The following PAK2 variants were observed in gnomAD, a reference collection of about 807,000 sequenced individuals.
PAK2 encodes the protein p21 (RAC1) activated kinase 2.
PAK2 carries 21 observed loss-of-function variants against 65.9 expected under a neutral mutation model. The ratio of observed to expected loss-of-function variants is 0.32; its 90% CI spans 0.23 to 0.46. PAK2 has a LOEUF of 0.46. Ranked by LOEUF, PAK2 falls within the 20% of genes least tolerant of loss-of-function variation. The pLI, the probability that PAK2 is intolerant of heterozygous loss-of-function variation, is 1.00. For synonymous variants in PAK2, 204 were observed against 219.7 expected (o/e 0.93, Z 0.63); for missense variants, 324 against 642.6 (o/e 0.50, Z 5.36).
At chr3:196,768,138 G>T (rs961072651) in intron 1 of PAK2, among the ~76,000 whole-genome samples, 1 of 152,046 alleles carries the variant, frequency 6.6e-6, no homozygotes, top group Non-Finnish European at 1.5e-5. Flanking sequence ...GTTTTAAAAT[G>T]ATAAATCAAC....
Position 196,832,487 on chromosome 3 carries a change from A to G in PAK2, c.*4082A>G, listed in dbSNP as rs1276066548. The G allele has an allele frequency of 6.6e-6, 1 of 152,172 alleles. No individual in the cohort carries two copies. The highest frequency in any genetic ancestry group is 1.5e-5 in the Non-Finnish European group (1 of 68,040). 9.4% of individuals were successfully genotyped at this position (152,172 alleles called of 1,614,324 possible). A position where few individuals can be genotyped will look rare whatever the true frequency, so the allele number is the denominator to read the frequency against. Reference sequence around the variant, plus strand: ...GGGCTAGAAATAAACTTTTTAAAAAAAGTGTGCATTTTTCCCTTTCCTAAA... The same window carrying G: ...GGGCTAGAAATAAACTTTTTAAAAAGAGTGTGCATTTTTCCCTTTCCTAAA... On this transcript the variant is annotated 3_prime_UTR_variant, in exon 15 of 15. Transcript: ENST00000327134.
At chr3:196,758,663 A>C (rs1713844044) in intron 1 of PAK2, among the ~76,000 whole-genome samples, 1 of 151,970 alleles carries the variant, frequency 6.6e-6, no homozygotes, top group Non-Finnish European at 1.5e-5. Context: ...ATTTTAGTTT[A>C]TTTTATTTTG....
At position 196,830,180 on chromosome 3, in the gene PAK2, A is replaced by C. The variant is rs1021606270; in HGVS notation, c.*1775A>C. On this transcript the variant is annotated 3_prime_UTR_variant, in exon 15 of 15. Coordinates refer to ENST00000327134, the MANE Select transcript of PAK2 (RefSeq NM_002577.4). ...ATATCTATGATAAGATGCAATTATA[A>C]GGAGAGAAGTGACTGTTTTTTATTG... is the stretch of plus-strand genomic sequence containing the variant. 3.3e-5 allele frequency: 5 copies of C among 152,250 alleles called. No homozygotes were observed. Among genetic ancestry groups the C allele is most frequent in the Non-Finnish European group, 5.9e-5 (4 of 68,048 alleles). 9.4% of individuals were successfully genotyped at this position (152,250 alleles called of 1,614,324 possible).
chr3:196,740,548 T>C (rs922469566), intron 1 of PAK2, among the ~76,000 whole-genome samples: 1 of 152,156 alleles, frequency 6.6e-6, no homozygotes, highest in African/African-American at 2.4e-5. Flanking sequence ...TGTTCCTTGA[T>C]TTTTCCTCTC....
At chr3:196,811,659 G>A (rs1715830315) in intron 8 of PAK2, among the ~76,000 whole-genome samples, 1 of 151,854 alleles carries the variant, frequency 6.6e-6, no homozygotes, top group Non-Finnish European at 1.5e-5. Context: ...TATCCATATG[G>A]ATGACCATCA....
Position 196,807,028 on chromosome 3 carries a change from T to G in PAK2, c.576+342T>G, listed in dbSNP as rs1715607555. Among the ~76,000 whole-genome samples the G allele has an allele frequency of 2.6e-5, 4 of 152,188 alleles. No homozygotes were observed. The South Asian group carries it at 6.2e-4, about 24-fold the overall frequency. On this transcript the variant is annotated intron_variant, in intron 6 of 14. Transcript: ENST00000327134. ...AATCTAAAACTTAGAGCTTTCCTCT[T>G]ACCCAGATTATGCATTTTAATCTCC...
chr3:196,773,935 G>A (rs535562316), intron 1 of PAK2, among the ~76,000 whole-genome samples: 238 of 151,642 alleles, frequency 1.6e-3, no homozygotes, highest in African/African-American at 5.2e-3. Context: ...CCAGCTACTC[G>A]GGAGGCTGAG....
chr3:196,808,359 G>A (rs1027734985), intron 7 of PAK2, among the ~76,000 whole-genome samples: 4 of 147,732 alleles, frequency 2.7e-5, no homozygotes, highest in Non-Finnish European at 6.0e-5. Flanking sequence ...TCAGGAGATC[G>A]AGACCATCCT....
intron 1 of PAK2, among the ~76,000 whole-genome samples, chr3:196,756,598 G>C (rs1023267359): frequency 1.3e-5 from 2 of 152,220 alleles, no homozygotes; most frequent in African/African-American, 4.8e-5. Context: ...AGCACTTTGG[G>C]AGGCCGAGCT....
intron 1 of PAK2, among the ~76,000 whole-genome samples, chr3:196,760,629 G>A (rs1160938674): frequency 1.3e-5 from 2 of 152,082 alleles, no homozygotes; most frequent in Non-Finnish European, 2.9e-5. Flanking sequence ...CCGCATTATG[G>A]GCCTGTAACC....
At chr3:196,827,416 G>C in intron 14 of PAK2, 83 bp downstream of exon 14, 2 of 1,539,430 alleles carry the variant, frequency 1.3e-6, no homozygotes, top group South Asian at 2.6e-5. Flanking sequence ...CTAATAAGTA[G>C]ATTTCACTAC....
intron 4 of PAK2, among the ~76,000 whole-genome samples, chr3:196,804,913 A>G (rs1715539635): frequency 6.6e-6 from 1 of 151,938 alleles, no homozygotes; most frequent in Non-Finnish European, 1.5e-5. Flanking sequence ...GAAAAACAAA[A>G]CAATGTCAGA....
At chr3:196,755,200 T>G (rs562917791) in intron 1 of PAK2, among the ~76,000 whole-genome samples, 2 of 152,332 alleles carry the variant, frequency 1.3e-5, no homozygotes, top group Admixed American at 1.3e-4. Context: ...GGTAATCACT[T>G]AAGTAGTAAC....
At chr3:196,809,808 A>G (rs1286957177) in intron 7 of PAK2, among the ~76,000 whole-genome samples, 2 of 152,090 alleles carry the variant, frequency 1.3e-5, no homozygotes, top group Non-Finnish European at 2.9e-5. Flanking sequence ...GGGTACCTAC[A>G]TAAAACTATT....
At position 196,752,725 on chromosome 3, in the gene PAK2, C is replaced by T. The variant is rs1025751717; in HGVS notation, c.-22+12568C>T. Among the ~76,000 whole-genome samples the T allele has an allele frequency of 1.3e-4, 20 of 152,116 alleles. 1 individual carries two copies. The South Asian group carries it at 2.7e-3, about 20-fold the overall frequency. ...AGCAATTTTCCTGACCTCAGCCTCC[C>T]GAATAGCTGGGATTACAGGCGTGTA... is the stretch of plus-strand genomic sequence containing the variant. On this transcript the variant is annotated intron_variant, in intron 1 of 14. Coordinates refer to ENST00000327134, the MANE Select transcript of PAK2 (RefSeq NM_002577.4).
At chr3:196,749,195 GCTA>G (rs374247986) in intron 1 of PAK2, among the ~76,000 whole-genome samples, 152 of 152,022 alleles carry the variant, frequency 1.0e-3, no homozygotes, top group African/African-American at 3.5e-3. Context: ...TGAGATTAAT[GCTA>G]CTACGAACAT....
intron 6 of PAK2, among the ~76,000 whole-genome samples, chr3:196,807,516 C>T (rs1346082089): frequency 6.6e-6 from 1 of 152,122 alleles, no homozygotes; most frequent in Non-Finnish European, 1.5e-5. Context: ...CATTTTAGAC[C>T]TGGTCACACT....
At position 196,791,395 on chromosome 3, in the gene PAK2, T is replaced by C. The variant is rs1161269761; in HGVS notation, c.187+8562T>C. ...ATGTGGCTCTATCTCAAGTTCTGCTTAATCGTTTTTGTGTTTTTCCTTTAA... is the reference window on the plus strand; with the variant it reads ...ATGTGGCTCTATCTCAAGTTCTGCTCAATCGTTTTTGTGTTTTTCCTTTAA... On this transcript the variant is annotated intron_variant, in intron 2 of 14. Transcript: ENST00000327134. This position sits in a 1 kb window ranked among gnomAD's most constrained non-coding sequence, Gnocchi z 4.0. Among the ~76,000 whole-genome samples, 1 of 152,168 alleles carries C rather than the reference T, an allele frequency of 6.6e-6. No individual in the cohort carries two copies. The highest frequency in any genetic ancestry group is 1.5e-5 in the Non-Finnish European group (1 of 68,032).
At chr3:196,770,300 C>T (rs1042060364) in intron 1 of PAK2, among the ~76,000 whole-genome samples, 1 of 151,842 alleles carries the variant, frequency 6.6e-6, no homozygotes, top group African/African-American at 2.4e-5. Flanking sequence ...TTGTGTTTGG[C>T]TTATTTTACT....
Sources: gnomAD v4.1 joint callset for allele counts (sites outside exome capture counted in the v4.1 genomes callset) on GRCh38, gnomAD v4.1.1 for gene constraint, Gnocchi (gnomAD v3.1) non-coding constraint, MANE v1.5 for transcripts, NCBI Gene and HGNC (gene_info 2026-07-23, HGNC 2026-07-21) for gene names.